The following GRM4 variants were observed in gnomAD, a reference collection of about 807,000 sequenced individuals.
GRM4 encodes glutamate metabotropic receptor 4.
Under a neutral mutation model 81.7 loss-of-function variants are expected in GRM4, and 28 were observed. The ratio of observed to expected loss-of-function variants is 0.34; its 90% CI spans 0.25 to 0.47. The LOEUF (loss-of-function observed/expected upper bound fraction) is 0.47, where lower values mean the gene tolerates loss of function less well. GRM4 is among the 20% of genes least tolerant of loss of function. GRM4 has a pLI of 1.00. For synonymous variants in GRM4, 488 were observed against 528.8 expected (o/e 0.92, Z 1.06); for missense variants, 948 against 1,290.0 (o/e 0.73, Z 4.06).
Position 34,080,770 on chromosome 6 carries a change from C to T in GRM4, c.736+11113G>A, listed in dbSNP as rs1767542509. Among the ~76,000 whole-genome samples the T allele has an allele frequency of 6.6e-6, 1 of 152,034 alleles. No individual in the cohort carries two copies. The highest frequency in any genetic ancestry group is 6.6e-5 in the Admixed American group (1 of 15,242). On this transcript the variant is annotated intron_variant, in intron 3 of 10. Transcript: ENST00000538487. This position sits in a 1 kb window ranked among gnomAD's most constrained non-coding sequence, Gnocchi z 5.4. ...GGCCGTCACAGCTCATACTTGGTCA[C>T]GCAGGAGTCACACGTGACTTGAGGG...
In GRM4 at chr6:34,111,178, G is replaced by C. The variant is rs1232044904; in HGVS notation, c.520-19079C>G. 1 of 155,602 alleles carries C rather than the reference G, an allele frequency of 6.4e-6. No individual in the cohort carries two copies. The highest frequency in any genetic ancestry group is 1.4e-5 in the Non-Finnish European group (1 of 73,178). The allele number at this position is 155,602 out of a possible 1,614,324, so 9.6% of individuals were successfully genotyped here. The stretch of plus-strand genomic sequence containing the variant: ...ACGCCAGGATCCAACCCTTCCAGGA[G>C]CTGGTGGAGGCATGCTGTCAGACAG... On this transcript the variant is annotated intron_variant, in intron 2 of 10. Coordinates refer to ENST00000538487, the MANE Select transcript of GRM4 (RefSeq NM_000841.4). The surrounding 1 kb of genome is among the most constrained non-coding windows in gnomAD (Gnocchi z 5.1).
At chr6:34,149,510 A>G (rs1339391347), upstream of GRM4, among the ~76,000 whole-genome samples, 2 of 152,194 alleles carry the variant, frequency 1.3e-5, no homozygotes, top group Non-Finnish European at 2.9e-5. Flanking sequence ...GGCACTGAGG[A>G]GGAGCCATGG....
chr6:34,098,766 G>T (rs144303798), intron 2 of GRM4, among the ~76,000 whole-genome samples: 1 of 152,248 alleles, frequency 6.6e-6, no homozygotes, highest in Non-Finnish European at 1.5e-5. Context: ...AGAAAGAGGA[G>T]GAGAGTGCTG....
chr6:34,097,865 T>C lies in GRM4; in HGVS notation c.520-5766A>G, dbSNP rs553905181. On this transcript the variant is annotated intron_variant, in intron 2 of 10. Coordinates refer to ENST00000538487, the MANE Select transcript of GRM4 (RefSeq NM_000841.4). ...TGGGCTCAAGTCAAGTGACCAGACATCCAGGGCCATCACCACAGACACTCC... is the reference window on the plus strand; with the variant it reads ...TGGGCTCAAGTCAAGTGACCAGACACCCAGGGCCATCACCACAGACACTCC... Among the ~76,000 whole-genome samples, 18 of 152,244 alleles carry C rather than the reference T, an allele frequency of 1.2e-4. No homozygotes were observed. The South Asian group carries it at 2.1e-3, about 18-fold the overall frequency.
intron 2 of GRM4, among the ~76,000 whole-genome samples, chr6:34,096,541 T>G (rs949829381): frequency 4.6e-5 from 7 of 152,268 alleles, no homozygotes; most frequent in African/African-American, 1.7e-4. Flanking sequence ...CAAGGCCACG[T>G]GGAGAGATGC....
intron 1 of GRM4, among the ~76,000 whole-genome samples, chr6:34,139,153 CGT>C (rs1561835735): frequency 1.3e-5 from 2 of 152,206 alleles, no homozygotes; most frequent in East Asian, 1.9e-4. Context: ...TTCCTTCCCC[CGT>C]GAGCTGCTCC....
Position 34,133,528 on chromosome 6 carries a change from G to A in GRM4, c.-32C>T. ...AATCCCTAGAGACCCATGAACGGCA[G>A]GCCCACTCCTAGCCCTGGCAGGCCC... On this transcript the variant is annotated 5_prime_UTR_variant, in exon 2 of 11. Transcript: ENST00000538487. This position sits in a 1 kb window ranked among gnomAD's most constrained non-coding sequence, Gnocchi z 6.5. The A allele has an allele frequency of 3.9e-6, 6 of 1,520,386 alleles. No individual in the cohort carries two copies. The highest frequency in any genetic ancestry group is 5.3e-6 in the Non-Finnish European group (6 of 1,137,774). 94.2% of individuals were successfully genotyped at this position (1,520,386 alleles called of 1,614,324 possible).
chr6:34,120,677 C>T (rs1176436370), intron 2 of GRM4, among the ~76,000 whole-genome samples: 1 of 152,196 alleles, frequency 6.6e-6, no homozygotes, highest in Non-Finnish European at 1.5e-5. Flanking sequence ...TAAGCCCCAG[C>T]AGCCTCCCAG....
chr6:34,056,973 A>G (rs1300724690), intron 5 of GRM4, among the ~76,000 whole-genome samples: 1 of 152,210 alleles, frequency 6.6e-6, no homozygotes, highest in African/African-American at 2.4e-5. Flanking sequence ...TGCAATGCTA[A>G]CAGCGGGCTT....
chr6:34,133,455 C>T lies in GRM4; in HGVS notation c.42G>A (p.Leu14=). 6.3e-7 allele frequency: 1 copy of T among 1,597,390 alleles called. No homozygotes were observed. Among genetic ancestry groups the T allele is most frequent in the Non-Finnish European group, 8.5e-7 (1 of 1,172,076 alleles). Residue 14 remains leucine, a synonymous_variant, in exon 2 of 11, where the codon CTG becomes CTA. Transcript: ENST00000538487. The surrounding 1 kb of genome is among the most constrained non-coding windows in gnomAD (Gnocchi z 6.5). ...KRGLGWWWAR[L]PLCLLLSLYG... ...AAAGGCTGAGGAGCAGGCAAAGGGG[C>T]AGCCGGGCCCACCACCAGCCCAAGC...
At chr6:34,155,474 A>C in exon 1 of GRM4, 1 of 867,022 alleles carries the variant, frequency 1.2e-6, no homozygotes, top group Non-Finnish European at 1.7e-6. Context: ...AGTTACCTAG[A>C]GAGCTTTAAA....
chr6:34,077,391 G>A (rs1156455391), intron 3 of GRM4, among the ~76,000 whole-genome samples: 3 of 152,078 alleles, frequency 2.0e-5, no homozygotes, highest in African/African-American at 7.3e-5. Context: ...GCAGCCAGCT[G>A]ACCCCTCAGG....
At chr6:34,039,347 G>A (rs977185546) in intron 8 of GRM4, among the ~76,000 whole-genome samples, 5 of 152,158 alleles carry the variant, frequency 3.3e-5, no homozygotes, top group Admixed American at 1.3e-4. Flanking sequence ...GCGGGGCCTC[G>A]ATGCAGCACC....
chr6:34,091,586 T>G, intron 3 of GRM4: 1 of 390,426 alleles, frequency 2.6e-6, no homozygotes. Flanking sequence ...CATCCCTTCC[T>G]CTGCTGTGAG....
rs2127459064 is a variant in GRM4, at chr6:34,056,677, G to A, written c.1035C>T (p.Asp345=). The change falls in exon 6 of 11, where the codon GAC becomes GAT. Residue 345 remains aspartate (D), a synonymous_variant. Coordinates refer to ENST00000538487, the MANE Select transcript of GRM4 (RefSeq NM_000841.4). ...CCAGCGTGCGGCTGGAGAAGTAGCG[G>A]TCGAAGCCTGGCAGGGAACCAGGAC... is the stretch of plus-strand genomic sequence containing the variant. ...LPKRMSVRGF[D]RYFSSRTLDN... is the part of the protein sequence containing the mutation. 1 of 1,613,114 alleles carries A rather than the reference G, an allele frequency of 6.2e-7. No homozygotes were observed. The highest frequency in any genetic ancestry group is 1.3e-5 in the African/African-American group (1 of 75,036).
At chr6:34,050,256 G>A (rs1394017812) in intron 6 of GRM4, among the ~76,000 whole-genome samples, 1 of 152,162 alleles carries the variant, frequency 6.6e-6, no homozygotes, top group Non-Finnish European at 1.5e-5. Context: ...CGGCCTTCAG[G>A]TGTTTGCTCC....
rs774762185 is a variant in GRM4, at chr6:34,040,632, G to A, written c.1285C>T (p.Pro429Ser). The A allele has an allele frequency of 6.2e-7, 1 of 1,614,152 alleles. No homozygotes were observed. The highest frequency in any genetic ancestry group is 2.2e-5 in the East Asian group (1 of 44,884). The part of the protein sequence containing the change: ...ALHAMHRDLC[P>S]GRVGLCPRMD... Reference sequence around the variant, plus strand: ...CGCGGGCAGAGCCCCACGCGGCCGGGACACAGGTCACGGTGCATGGCGTGC... The same window carrying A: ...CGCGGGCAGAGCCCCACGCGGCCGGAACACAGGTCACGGTGCATGGCGTGC... Residue 429 changes from proline (P) to serine (S), a missense_variant, in exon 7 of 11, where the codon CCC becomes TCC. Coordinates refer to ENST00000538487, the MANE Select transcript of GRM4 (RefSeq NM_000841.4).
rs1763804730 is a variant in GRM4 at position 34,019,771 on chromosome 6, A to G, written c.*3050T>C. ...GAAATCTAACATTCTGAAGATACTT[A>G]GCAGCTTTCTCCAGTCATTAATAAT... is the stretch of plus-strand genomic sequence containing the variant. On this transcript the variant is annotated 3_prime_UTR_variant, in exon 11 of 11. Transcript: ENST00000538487. The G allele has an allele frequency of 6.6e-6, 1 of 152,216 alleles. No individual in the cohort carries two copies. Among genetic ancestry groups the G allele is most frequent in the African/African-American group, 2.4e-5 (1 of 41,428 alleles). The allele number at this position is 152,216 out of a possible 1,614,324, so 9.4% of individuals were successfully genotyped here.
At chr6:34,139,594 C>T (rs1228804354) in intron 1 of GRM4, among the ~76,000 whole-genome samples, 1 of 152,142 alleles carries the variant, frequency 6.6e-6, no homozygotes. Context: ...TAACAATGAC[C>T]AGGCTGGGAG....
Sources: gnomAD v4.1 joint callset for allele counts (sites outside exome capture counted in the v4.1 genomes callset) on GRCh38, gnomAD v4.1.1 for gene constraint, Gnocchi (gnomAD v3.1) non-coding constraint, MANE v1.5 for transcripts, NCBI Gene and HGNC (gene_info 2026-07-23, HGNC 2026-07-21) for gene names.